Variants in PDE4D observed in about 807,000 individuals in gnomAD.
PDE4D encodes 3',5'-cyclic-AMP phosphodiesterase 4D.
PDE4D carries 24 observed loss-of-function variants against 87.4 expected under a neutral mutation model. The observed-to-expected ratio is 0.27, with a 90% CI of 0.20 to 0.39. The LOEUF (loss-of-function observed/expected upper bound fraction) is 0.39. Ranked by LOEUF, PDE4D falls within the 10% of genes least tolerant of loss-of-function variation. The pLI is 1.00. For synonymous variants in PDE4D, 384 were observed against 383.2 expected (o/e 1.00, Z -0.02); for missense variants, 714 against 1,041.0 (o/e 0.69, Z 4.32).
chr5:60,416,703 G>A (rs1245151469), intron 1 of PDE4D, among the ~76,000 whole-genome samples: 1 of 152,204 alleles, frequency 6.6e-6, no homozygotes, highest in Admixed American at 6.5e-5. Flanking sequence ...AAGTCAGTGA[G>A]ACCAAGAGCC....
At chr5:59,386,558 C>T (rs953300852) in intron 1 of PDE4D, among the ~76,000 whole-genome samples, 1 of 151,538 alleles carries the variant, frequency 6.6e-6, no homozygotes, top group Non-Finnish European at 1.5e-5. Context: ...CTCATGTCTG[C>T]AATCCCAGGA....
intron 1 of PDE4D, among the ~76,000 whole-genome samples, chr5:60,212,407 C>T (rs1440091931): frequency 6.6e-6 from 1 of 152,178 alleles, no homozygotes; most frequent in Admixed American, 6.5e-5. Flanking sequence ...GCACTCTATG[C>T]TTACAGCCTG....
intron 2 of PDE4D, among the ~76,000 whole-genome samples, chr5:60,033,863 C>T (rs1373212147): frequency 1.3e-5 from 2 of 152,178 alleles, no homozygotes; most frequent in Non-Finnish European, 2.9e-5. Flanking sequence ...AGAGAGTTTG[C>T]TCTCAGTTTT....
At chr5:60,133,073 C>T (rs935147724) in intron 2 of PDE4D, among the ~76,000 whole-genome samples, 11 of 152,146 alleles carry the variant, frequency 7.2e-5, no homozygotes, top group African/African-American at 2.2e-4. Flanking sequence ...CATGTTTCCA[C>T]ATAAAAAGGC....
At chr5:59,354,266 T>C (rs912498237) in intron 1 of PDE4D, among the ~76,000 whole-genome samples, 3 of 152,170 alleles carry the variant, frequency 2.0e-5, no homozygotes, top group African/African-American at 7.2e-5. Flanking sequence ...TGGAATCAGA[T>C]CCAAAGCCTC....
chr5:59,414,384 T>C (rs965795388), intron 1 of PDE4D, among the ~76,000 whole-genome samples: 2 of 152,178 alleles, frequency 1.3e-5, no homozygotes, highest in Non-Finnish European at 2.9e-5. Flanking sequence ...GCAGTCTTCA[T>C]CATGGAAGAG....
chr5:60,161,534 CCACCT>C (rs964416403), intron 2 of PDE4D, among the ~76,000 whole-genome samples: 3 of 152,028 alleles, frequency 2.0e-5, no homozygotes, highest in African/African-American at 7.2e-5. Context: ...TTCAACTGCC[CCACCT>C]AATGGCAAGA....
intron 2 of PDE4D, among the ~76,000 whole-genome samples, chr5:60,167,428 C>T (rs1171829848): frequency 6.6e-6 from 1 of 151,704 alleles, no homozygotes; most frequent in Non-Finnish European, 1.5e-5. Context: ...GCCACCTCGC[C>T]CGGCTAATTT....
chr5:59,002,787 T>G (rs895954186), intron 6 of PDE4D, among the ~76,000 whole-genome samples: 1 of 152,160 alleles, frequency 6.6e-6, no homozygotes, highest in African/African-American at 2.4e-5. Flanking sequence ...CCATGAAAAC[T>G]AATAAAAATA....
chr5:60,236,358 T>C (rs984067222), intron 1 of PDE4D, among the ~76,000 whole-genome samples: 1 of 151,908 alleles, frequency 6.6e-6, no homozygotes, highest in East Asian at 1.9e-4. Context: ...AGAGGACTTA[T>C]ATCTACAACA....
chr5:59,217,293 G>C (rs896767704), intron 1 of PDE4D: 2 of 455,474 alleles, frequency 4.4e-6, no homozygotes, highest in Non-Finnish European at 8.8e-6. Context: ...GTGAATTCAA[G>C]TTTTGCTGTC....
chr5:60,362,669 G>T (rs556743752), intron 1 of PDE4D, among the ~76,000 whole-genome samples: 32 of 152,178 alleles, frequency 2.1e-4, no homozygotes, highest in Admixed American at 1.6e-3. Context: ...ACCAGCCTGG[G>T]CCAACATGGC....
intron 2 of PDE4D, among the ~76,000 whole-genome samples, chr5:60,022,154 T>A (rs947124907): frequency 6.7e-5 from 10 of 148,936 alleles, no homozygotes; most frequent in African/African-American, 2.5e-4. Context: ...AGAGCCAGAG[T>A]CTGGATAGGA....
intron 1 of PDE4D, among the ~76,000 whole-genome samples, chr5:60,371,338 C>T (rs922338376): frequency 5.3e-5 from 8 of 152,150 alleles, no homozygotes; most frequent in Admixed American, 2.0e-4. Flanking sequence ...CCGTTCAGTC[C>T]GCCATGTGGT....
chr5:59,877,743 C>T (rs1581552035), intron 1 of PDE4D, among the ~76,000 whole-genome samples: 2 of 151,918 alleles, frequency 1.3e-5, no homozygotes, highest in East Asian at 1.9e-4. Flanking sequence ...CAGCTAAGCC[C>T]GGGACAAGGA....
intron 1 of PDE4D, among the ~76,000 whole-genome samples, chr5:59,305,897 T>C (rs1326484448): frequency 6.6e-6 from 1 of 152,174 alleles, no homozygotes; most frequent in Non-Finnish European, 1.5e-5. Flanking sequence ...ATATATCTGT[T>C]AAGTCCATTT....
At chr5:59,930,929 G>A (rs1444118623) in intron 3 of PDE4D, among the ~76,000 whole-genome samples, 1 of 152,050 alleles carries the variant, frequency 6.6e-6, no homozygotes, top group Non-Finnish European at 1.5e-5. Flanking sequence ...GTAATTTTAG[G>A]CTTCAAGCTA....
intron 1 of PDE4D, among the ~76,000 whole-genome samples, chr5:60,311,403 G>A (rs1186092243): frequency 6.6e-6 from 1 of 152,172 alleles, no homozygotes; most frequent in African/African-American, 2.4e-5. Context: ...CGAGGCCAGA[G>A]GCCTATATTC....
chr5:59,413,457 C>CAAAAAAAAAAAA lies in PDE4D; in HGVS notation c.456-197501_456-197490dup, dbSNP rs34074485. Among the ~76,000 whole-genome samples the CAAAAAAAAAAAA allele has an allele frequency of 2.4e-4, 13 of 54,418 alleles. 1 individual carries two copies. Among genetic ancestry groups the CAAAAAAAAAAAA allele is most frequent in the African/African-American group, 9.2e-4 (11 of 12,018 alleles). The allele number at this position is 54,418 out of a possible 152,430, so 35.7% of individuals were successfully genotyped here. ...TGGGTGACTGAGTGAGACTCCATCTCAAAAAAAAAAAAAAAAAAAAAAAAG... is the reference window on the plus strand; with the variant it reads ...TGGGTGACTGAGTGAGACTCCATCTCAAAAAAAAAAAAAAAAAAAAAAAAAAAAAAAAAAAAG... On this transcript the variant is annotated intron_variant, in intron 1 of 14. Transcript: ENST00000340635.
Sources: gnomAD v4.1 joint callset for allele counts (sites outside exome capture counted in the v4.1 genomes callset) on GRCh38, gnomAD v4.1.1 for gene constraint, MANE v1.5 for transcripts, NCBI Gene and HGNC (gene_info 2026-07-23, HGNC 2026-07-21) for gene names.